The following ARHGAP39 variants were observed in gnomAD, a reference collection of about 807,000 sequenced individuals.
ARHGAP39 encodes the protein rho GTPase-activating protein 39.
Under a neutral mutation model 106.9 loss-of-function variants are expected in ARHGAP39, and 44 were observed. The observed-to-expected ratio is 0.41, with a 90% CI of 0.32 to 0.53. The LOEUF (loss-of-function observed/expected upper bound fraction) is 0.53, where lower values mean the gene tolerates loss of function less well. ARHGAP39 is among the 20% of genes least tolerant of loss of function. The pLI is 0.21. For missense variants in ARHGAP39, 1,496 were observed against 1,577.3 expected, an observed-to-expected ratio of 0.95 and a Z score of 0.87; for synonymous variants, 768 against 693.2, an observed-to-expected ratio of 1.11 and a Z score of -1.69.
At chr8:144,537,617 C>CAA in intron 7 of ARHGAP39, 104 bp downstream of exon 7, 2 of 709,824 alleles carry the variant, frequency 2.8e-6, no homozygotes, top group Non-Finnish European at 4.6e-6. Flanking sequence ...GTGGCCCCAT[C>CAA]CCCCCCGCCC....
chr8:144,621,174 A>G (rs1820798331), intron 1 of ARHGAP39, among the ~76,000 whole-genome samples: 1 of 152,290 alleles, frequency 6.6e-6, no homozygotes, highest in African/African-American at 2.4e-5. Context: ...CCCTGCCTTC[A>G]GCCTGGACTC....
At chr8:144,692,807 T>C in the ARHGAP39 span, among the ~76,000 whole-genome samples, 1 of 145,520 alleles carries the variant, frequency 6.9e-6, no homozygotes, top group Non-Finnish European at 1.5e-5. Context: ...TCCCCCAGGC[T>C]GCAGTGCAAT....
In ARHGAP39 at chr8:144,548,758, C is replaced by T. The variant is rs904517150; in HGVS notation, c.597-269G>A. On this transcript the variant is annotated intron_variant, in intron 4 of 11. Transcript: ENST00000377307. The surrounding 1 kb of genome is among the most constrained non-coding windows in gnomAD (Gnocchi z 7.4). Reference sequence around the variant, plus strand: ...ACCGGGCACAGGGCTGCTTCTGTAACTAGAACCGGGGGCGGCGTTACCAGG... The same window carrying T: ...ACCGGGCACAGGGCTGCTTCTGTAATTAGAACCGGGGGCGGCGTTACCAGG... Among the ~76,000 whole-genome samples the T allele has an allele frequency of 1.3e-5, 2 of 152,214 alleles. No homozygotes were observed. Among genetic ancestry groups the T allele is most frequent in the African/African-American group, 4.8e-5 (2 of 41,458 alleles).
At chr8:144,559,354 CAAAAAAAAAAAAAA>C (rs59435627) in intron 3 of ARHGAP39, among the ~76,000 whole-genome samples, 2 of 42,896 alleles carry the variant, frequency 4.7e-5, no homozygotes, top group South Asian at 1.1e-3. Flanking sequence ...ACTTTGTCTC[CAAAAAAAAAAAAAA>C]AAAAAAAAAA....
chr8:144,574,042 G>A (rs1046553186), intron 3 of ARHGAP39, among the ~76,000 whole-genome samples: 9 of 151,196 alleles, frequency 6.0e-5, no homozygotes, highest in South Asian at 2.1e-4. Context: ...GCATGGTGGC[G>A]CCCCCCTGTA....
intron 1 of ARHGAP39, among the ~76,000 whole-genome samples, chr8:144,619,587 T>C (rs570868591): frequency 1.4e-5 from 2 of 147,770 alleles, no homozygotes; most frequent in East Asian, 3.9e-4. Flanking sequence ...TGTGAGACTG[T>C]GTGTCCCTGA....
chr8:144,539,313 A>G (rs1046175102), intron 6 of ARHGAP39, among the ~76,000 whole-genome samples: 3 of 152,056 alleles, frequency 2.0e-5, no homozygotes, highest in African/African-American at 7.2e-5. Flanking sequence ...TGATTCCACT[A>G]CCGCCGACAG....
chr8:144,610,703 C>T (rs1820461262), intron 1 of ARHGAP39, among the ~76,000 whole-genome samples: 1 of 150,020 alleles, frequency 6.7e-6, no homozygotes, highest in African/African-American at 2.5e-5. Context: ...CAGTGAGAGA[C>T]TCCGTCTCAA....
In ARHGAP39 at chr8:144,582,912, C is replaced by T. The variant is rs573665263; in HGVS notation, c.81-1635G>A. On this transcript the variant is annotated intron_variant, in intron 2 of 11. Transcript: ENST00000377307. ...GTGGGGGTCCTGTTGTTTTGCTCAG[C>T]TTGAGTACATCTGCCAACAACTCCC... Among the ~76,000 whole-genome samples the T allele has an allele frequency of 2.0e-5, 3 of 152,290 alleles. No homozygotes were observed. The East Asian group carries it at 5.8e-4, about 29-fold the overall frequency.
At chr8:144,666,349 T>G (rs766369881) in intron 1 of ARHGAP39, among the ~76,000 whole-genome samples, 6 of 152,050 alleles carry the variant, frequency 3.9e-5, no homozygotes, top group Non-Finnish European at 5.9e-5. Context: ...AGCTAAGACT[T>G]TGGGGGGCTG....
Position 144,534,272 on chromosome 8 carries a change from GAC to G in ARHGAP39, c.2615-72_2615-71del, listed in dbSNP as rs1816863038. On this transcript the variant is annotated intron_variant, in intron 7 of 11. Transcript: ENST00000377307. ...TGTGGGGCCAGGAGAGGGGTGAGCA[GAC>G]ACAGCTCCTTCGAGGGCCCTGGGGG... 11 of 1,563,644 alleles carry G rather than the reference GAC, an allele frequency of 7.0e-6. No homozygotes were observed. In the Admixed American group the frequency reaches 1.2e-4, roughly 17 times the overall value.
intron 2 of ARHGAP39, among the ~76,000 whole-genome samples, chr8:144,601,814 TGG>T (rs1819976538): frequency 7.9e-6 from 1 of 126,430 alleles, no homozygotes. Flanking sequence ...TGTGTGTGTG[TGG>T]AGGCGTGTGT....
chr8:144,575,498 A>AAC (rs1345644463), intron 3 of ARHGAP39, among the ~76,000 whole-genome samples: 9 of 126,938 alleles, frequency 7.1e-5, no homozygotes, highest in Non-Finnish European at 1.4e-4. Flanking sequence ...CTACGACACA[A>AAC]ACACACACAC....
intron 1 of ARHGAP39, among the ~76,000 whole-genome samples, chr8:144,610,272 T>C (rs527589997): frequency 1.3e-5 from 2 of 152,346 alleles, no homozygotes; most frequent in East Asian, 3.9e-4. Flanking sequence ...AAAAGACAGC[T>C]TAATCGTTTT....
intron 1 of ARHGAP39, among the ~76,000 whole-genome samples, chr8:144,609,489 C>T (rs1156576112): frequency 2.7e-5 from 4 of 150,834 alleles, no homozygotes; most frequent in African/African-American, 9.8e-5. Flanking sequence ...GCAACCTCCA[C>T]CTCCCAGGTT....
intron 1 of ARHGAP39, among the ~76,000 whole-genome samples, chr8:144,652,894 C>A (rs1442905471): frequency 6.6e-6 from 1 of 151,904 alleles, no homozygotes; most frequent in East Asian, 1.9e-4. Flanking sequence ...CAAACCTTCA[C>A]ATGTACCCCC....
At chr8:144,613,604 A>G (rs1210316043) in intron 1 of ARHGAP39, among the ~76,000 whole-genome samples, 1 of 152,024 alleles carries the variant, frequency 6.6e-6, no homozygotes, top group East Asian at 1.9e-4. Context: ...TTCATACACA[A>G]AAGGCCTTGC....
intron 3 of ARHGAP39, among the ~76,000 whole-genome samples, chr8:144,575,872 C>A (rs993977818): frequency 2.6e-5 from 4 of 152,224 alleles, no homozygotes; most frequent in Non-Finnish European, 5.9e-5. Context: ...CGGTGTTGCA[C>A]ACAACCATGG....
At chr8:144,636,769 T>C (rs978713676) in intron 1 of ARHGAP39, among the ~76,000 whole-genome samples, 2 of 152,156 alleles carry the variant, frequency 1.3e-5, no homozygotes, top group Non-Finnish European at 2.9e-5. Context: ...CACCCTCCAT[T>C]TACCACCTTG....
Sources: gnomAD v4.1 joint callset for allele counts (sites outside exome capture counted in the v4.1 genomes callset) on GRCh38, gnomAD v4.1.1 for gene constraint, Gnocchi (gnomAD v3.1) non-coding constraint, MANE v1.5 for transcripts, NCBI Gene and HGNC (gene_info 2026-07-23, HGNC 2026-07-21) for gene names.